The following ADAMTS3 variants were observed in gnomAD, a reference collection of about 807,000 sequenced individuals.
The protein encoded by ADAMTS3 is ADAM metallopeptidase with thrombospondin type 1 motif 3, also known as A disintegrin and metalloproteinase with thrombospondin motifs 3.
ADAMTS3 carries 73 observed loss-of-function variants against 129.0 expected under a neutral mutation model. The ratio of observed to expected loss-of-function variants is 0.57; its 90% CI spans 0.47 to 0.69. The LOEUF (loss-of-function observed/expected upper bound fraction) is 0.69. ADAMTS3 is among the 30% of genes least tolerant of loss of function. The pLI, the probability that ADAMTS3 is intolerant of heterozygous loss-of-function variation, is 0.00. For synonymous variants in ADAMTS3, 477 were observed against 510.8 expected (o/e 0.93, Z 0.89); for missense variants, 1,457 against 1,514.5 (o/e 0.96, Z 0.63).
At chr4:72,453,909 TA>T (rs1206107340) in intron 3 of ADAMTS3, among the ~76,000 whole-genome samples, 2 of 148,738 alleles carry the variant, frequency 1.3e-5, no homozygotes, top group East Asian at 2.0e-4. Flanking sequence ...GTAAAATATA[TA>T]TATATATATG....
chr4:72,407,918 A>T (rs548369385), intron 4 of ADAMTS3, among the ~76,000 whole-genome samples: 1 of 152,282 alleles, frequency 6.6e-6, no homozygotes, highest in Non-Finnish European at 1.5e-5. Context: ...TGAGGGAAAT[A>T]GCTCCAATCA....
intron 3 of ADAMTS3, among the ~76,000 whole-genome samples, chr4:72,461,210 CTAG>C (rs769630607): frequency 5.3e-5 from 8 of 151,166 alleles, no homozygotes; most frequent in Non-Finnish European, 1.2e-4. Flanking sequence ...AGGGTAAATA[CTAG>C]TATATAAAAA....
At chr4:72,333,954 C>T (rs956180444) in intron 5 of ADAMTS3, among the ~76,000 whole-genome samples, 8 of 138,578 alleles carry the variant, frequency 5.8e-5, no homozygotes, top group Admixed American at 1.6e-4. Flanking sequence ...GGTTTACTTA[C>T]ACCATTGTCC....
intron 3 of ADAMTS3, among the ~76,000 whole-genome samples, chr4:72,478,017 A>C (rs1719293650): frequency 6.6e-6 from 1 of 152,118 alleles, no homozygotes; most frequent in Non-Finnish European, 1.5e-5. Context: ...CTGAATAGAC[A>C]AATAACAAGA....
intron 4 of ADAMTS3, among the ~76,000 whole-genome samples, chr4:72,398,990 C>T (rs1333941097): frequency 6.6e-6 from 1 of 152,206 alleles, no homozygotes; most frequent in East Asian, 1.9e-4. Flanking sequence ...GAATCTTTGA[C>T]AGTACAGGCC....
chr4:72,507,979 T>C (rs1356647479), intron 3 of ADAMTS3, among the ~76,000 whole-genome samples: 1 of 152,236 alleles, frequency 6.6e-6, no homozygotes, highest in Non-Finnish European at 1.5e-5. Context: ...ACATCAAGTA[T>C]GTCATTTTTA....
At chr4:72,393,214 G>A (rs1040188204) in intron 4 of ADAMTS3, among the ~76,000 whole-genome samples, 1 of 152,050 alleles carries the variant, frequency 6.6e-6, no homozygotes, top group Non-Finnish European at 1.5e-5. Flanking sequence ...GTGAGCCACC[G>A]CGCCTGGCCT....
At chr4:72,366,739 G>A (rs919878985) in intron 4 of ADAMTS3, among the ~76,000 whole-genome samples, 3 of 150,206 alleles carry the variant, frequency 2.0e-5, no homozygotes, top group African/African-American at 7.3e-5. Context: ...GCATCCTCAT[G>A]AAGAAATTTT....
intron 4 of ADAMTS3, among the ~76,000 whole-genome samples, chr4:72,399,378 A>G (rs922287718): frequency 6.6e-6 from 1 of 152,114 alleles, no homozygotes; most frequent in African/African-American, 2.4e-5. Flanking sequence ...GGTTGCAGTG[A>G]GCTATGATTA....
intron 4 of ADAMTS3, among the ~76,000 whole-genome samples, chr4:72,401,229 C>T (rs1046016516): frequency 6.6e-6 from 1 of 151,612 alleles, no homozygotes; most frequent in Non-Finnish European, 1.5e-5. Context: ...TGAAACAGAA[C>T]ATCTGAATGA....
At chr4:72,486,249 T>C (rs1681202541) in intron 3 of ADAMTS3, among the ~76,000 whole-genome samples, 1 of 152,206 alleles carries the variant, frequency 6.6e-6, no homozygotes, top group South Asian at 2.1e-4. Context: ...ACAAAGTTTC[T>C]AGATGGCACA....
At chr4:72,501,039 G>A (rs1720007079) in intron 3 of ADAMTS3, among the ~76,000 whole-genome samples, 1 of 152,146 alleles carries the variant, frequency 6.6e-6, no homozygotes, top group Non-Finnish European at 1.5e-5. Context: ...TTTGAGGTCA[G>A]GTAATGTGAG....
intron 17 of ADAMTS3, among the ~76,000 whole-genome samples, chr4:72,301,481 C>A (rs1439382440): frequency 1.3e-5 from 2 of 152,040 alleles, no homozygotes; most frequent in East Asian, 3.9e-4. Context: ...ACAGATATTT[C>A]AAAATGGAAC....
At chr4:72,302,350 A>C (rs1352362334) in intron 17 of ADAMTS3, among the ~76,000 whole-genome samples, 2 of 152,032 alleles carry the variant, frequency 1.3e-5, no homozygotes, top group Non-Finnish European at 2.9e-5. Context: ...AGAAAAGTGC[A>C]CCATCGGATA....
intron 2 of ADAMTS3, among the ~76,000 whole-genome samples, chr4:72,550,101 A>G (rs1361823453): frequency 1.5e-5 from 2 of 136,666 alleles, no homozygotes; most frequent in African/African-American, 2.7e-5. Context: ...GAAGAAGAAG[A>G]AGAAGAAGAA....
intron 20 of ADAMTS3, among the ~76,000 whole-genome samples, chr4:72,290,430 G>A (rs1718626833): frequency 6.6e-6 from 1 of 152,128 alleles, no homozygotes; most frequent in African/African-American, 2.4e-5. Context: ...CAGCTGAAAG[G>A]TAGGAGGCTC....
At chr4:72,390,253 T>C (rs1721556091) in intron 4 of ADAMTS3, among the ~76,000 whole-genome samples, 1 of 152,188 alleles carries the variant, frequency 6.6e-6, no homozygotes. Context: ...ATTAACCATA[T>C]TAACTAACTT....
intron 2 of ADAMTS3, among the ~76,000 whole-genome samples, chr4:72,550,802 G>C (rs1034117932): frequency 6.6e-6 from 1 of 152,142 alleles, no homozygotes; most frequent in Non-Finnish European, 1.5e-5. Flanking sequence ...TGACAGAGGG[G>C]AAAGTTTCCA....
chr4:72,517,760 A>C (rs1247118860), intron 3 of ADAMTS3, among the ~76,000 whole-genome samples: 1 of 150,834 alleles, frequency 6.6e-6, no homozygotes, highest in Non-Finnish European at 1.5e-5. Flanking sequence ...GTGGTCTATC[A>C]ATTTTGTTGA....
Sources: gnomAD v4.1 joint callset for allele counts (sites outside exome capture counted in the v4.1 genomes callset) on GRCh38, gnomAD v4.1.1 for gene constraint, MANE v1.5 for transcripts, NCBI Gene and HGNC (gene_info 2026-07-23, HGNC 2026-07-21) for gene names.